Variants in PYGL observed in about 807,000 individuals in gnomAD.
PYGL encodes the protein glycogen phosphorylase L, also known as glycogen phosphorylase, liver form.
A neutral mutation model predicts 100.1 loss-of-function variants in PYGL; 90 were observed. The observed-to-expected ratio is 0.90, with a 90% confidence interval of 0.76 to 1.07. The LOEUF is 1.07. Ranked by LOEUF, PYGL falls within the 50% of genes least tolerant of loss-of-function variation. The probability of loss-of-function intolerance (pLI) is 0.00; values close to 1 mark genes in which losing one functional copy is unlikely to be tolerated. For missense variants in PYGL, 1,016 were observed against 1,057.6 expected (o/e 0.96, Z 0.55); for synonymous variants, 373 against 393.0 (o/e 0.95, Z 0.60).
intron 12 of PYGL, 60 bp downstream of exon 12, chr14:50,914,641 T>C: frequency 7.3e-7 from 1 of 1,376,226 alleles, no homozygotes; most frequent in Non-Finnish European, 1.0e-6. Context: ...GTTACAAGTA[T>C]AGTCATATGC....
chr14:50,924,098 T>G lies in PYGL; in HGVS notation c.531A>C (p.Val177=), dbSNP rs763878843. Reference sequence around the variant, plus strand: ...ATCTGAGCCAATCATCTGCTTCTTCTACCTGCAAAAGGATACAGTATTGCT... The same window carrying G: ...ATCTGAGCCAATCATCTGCTTCTTCGACCTGCAAAAGGATACAGTATTGCT... ...FNQKIRDGWQ[V]EEADDWLRYG... The change falls in exon 5 of 20, where the codon GTA becomes GTC. Residue 177 remains valine (V), a splice_region_variant and synonymous_variant. Coordinates refer to ENST00000216392, the MANE Select transcript of PYGL (RefSeq NM_002863.5). 1 of 1,613,512 alleles carries G rather than the reference T, an allele frequency of 6.2e-7. No homozygotes were observed. Among genetic ancestry groups the G allele is most frequent in the African/African-American group, 1.3e-5 (1 of 74,892 alleles).
At chr14:50,935,021 C>T (rs975883402) in intron 3 of PYGL, 86 bp downstream of exon 3, 12 of 1,294,100 alleles carry the variant, frequency 9.3e-6, no homozygotes, top group South Asian at 2.4e-5. Flanking sequence ...AGGAAGCCTG[C>T]CTGGTTCTTG....
chr14:50,934,119 G>T (rs74051868), intron 3 of PYGL, among the ~76,000 whole-genome samples: 3,095 of 152,254 alleles, frequency 0.02, 25 homozygotes, highest in African/African-American at 0.031. Flanking sequence ...AACTAATGGA[G>T]CTGGTATTGT....
chr14:50,921,257 G>T (rs11157783), intron 5 of PYGL, 190 bp from the exon 6 acceptor site: 5 of 591,044 alleles, frequency 8.5e-6, no homozygotes, highest in Admixed American at 5.7e-5. Context: ...GTTCCTCCCC[G>T]ACCTGGTACA....
intron 17 of PYGL, 123 bp from the exon 18 acceptor site, chr14:50,909,078 C>A (rs2050364173): frequency 8.9e-7 from 1 of 1,129,300 alleles, no homozygotes; most frequent in Admixed American, 2.0e-5. Context: ...CATTCAAAGA[C>A]TTCATTATAG....
At chr14:50,930,138 T>C (rs2050589727) in intron 4 of PYGL, among the ~76,000 whole-genome samples, 1 of 152,212 alleles carries the variant, frequency 6.6e-6, no homozygotes, top group Non-Finnish European at 1.5e-5. Context: ...ATAATATGAA[T>C]GGCTTCACTA....
intron 4 of PYGL, among the ~76,000 whole-genome samples, chr14:50,926,197 A>T (rs987274767): frequency 6.6e-5 from 10 of 152,170 alleles, no homozygotes; most frequent in African/African-American, 2.4e-4. Context: ...AAAAAAATTT[A>T]AAAATTAGCC....
chr14:50,912,994 G>C, intron 13 of PYGL, 35 bp downstream of exon 13: 1 of 1,564,752 alleles, frequency 6.4e-7, no homozygotes, highest in East Asian at 2.2e-5. Context: ...CTCACAGTGA[G>C]TGCCCAGGAG....
At chr14:50,914,181 C>A (rs917199272) in intron 12 of PYGL, among the ~76,000 whole-genome samples, 8 of 152,054 alleles carry the variant, frequency 5.3e-5, no homozygotes, top group African/African-American at 1.9e-4. Context: ...TTTGCAGGAC[C>A]TTTTGTTCAA....
In PYGL at chr14:50,920,462, T is replaced by C. The variant is rs187297446; in HGVS notation, c.855+79A>G. On this transcript the variant is annotated intron_variant, in intron 7 of 19. Coordinates refer to ENST00000216392, the MANE Select transcript of PYGL (RefSeq NM_002863.5). ...CATGGAAAAACATCAATATTAAATG[T>C]GTTTTATAGGTTACTGAACAGGCTC... The C allele has an allele frequency of 3.1e-6, 4 of 1,307,970 alleles. No homozygotes were observed. The African/African-American group carries it at 4.4e-5, about 14-fold the overall frequency. The allele number at this position is 1,307,970 out of a possible 1,614,324, so 81.0% of individuals were successfully genotyped here.
In PYGL at chr14:50,937,836, C is replaced by A; in HGVS notation, c.245G>T (p.Arg82Met). The A allele has an allele frequency of 6.2e-7, 1 of 1,605,854 alleles. No individual in the cohort carries two copies. Among genetic ancestry groups the A allele is most frequent in the Non-Finnish European group, 8.5e-7 (1 of 1,172,564 alleles). Reference sequence around the variant, plus strand: ...AAATTCCAGAGAGAGGTAATATACCCTCTGAAATAAAGAAAAGAGAGATAA... The same window carrying A: ...AAATTCCAGAGAGAGGTAATATACCATCTGAAATAAAGAAAAGAGAGATAA... ...QQHYYDKCPKRVYYLSLEFYM... is the reference protein window; with the variant it reads ...QQHYYDKCPKMVYYLSLEFYM... Residue 82 changes from arginine (R) to methionine (M), a missense_variant and splice_region_variant, in exon 2 of 20, where the codon AGG becomes ATG. Transcript: ENST00000216392.
chr14:50,909,308 C>A (rs2050367810), intron 17 of PYGL, among the ~76,000 whole-genome samples: 1 of 152,084 alleles, frequency 6.6e-6, no homozygotes, highest in African/African-American at 2.4e-5. Context: ...TTTTTGGATC[C>A]ACAGATTCTC....
At chr14:50,911,510 T>G (rs1220793965) in intron 16 of PYGL, among the ~76,000 whole-genome samples, 1 of 152,100 alleles carries the variant, frequency 6.6e-6, no homozygotes, top group Non-Finnish European at 1.5e-5. Context: ...TGGAAGAAAA[T>G]GTACTTGCAA....
At position 50,913,222 on chromosome 14, in the gene PYGL, C is replaced by T. The variant is rs2050415963; in HGVS notation, c.1519-92G>A. 4.0e-6 allele frequency: 4 copies of T among 1,005,414 alleles called. 1 individual carries two copies. Among genetic ancestry groups the T allele is most frequent in the Non-Finnish European group, 6.2e-6 (4 of 648,048 alleles). 62.3% of individuals were successfully genotyped at this position (1,005,414 alleles called of 1,614,324 possible). A position where few individuals can be genotyped will look rare whatever the true frequency, so the allele number is the denominator to read the frequency against. ...TGTCAGTATTTCTCTCTGTCACCTACCACAGTGTAGTTCACGTATCACACA... is the reference window on the plus strand; with the variant it reads ...TGTCAGTATTTCTCTCTGTCACCTATCACAGTGTAGTTCACGTATCACACA... On this transcript the variant is annotated intron_variant, in intron 12 of 19. Coordinates refer to ENST00000216392, the MANE Select transcript of PYGL (RefSeq NM_002863.5).
At chr14:50,921,302 T>A in intron 5 of PYGL, 1 of 536,164 alleles carries the variant, frequency 1.9e-6, no homozygotes, top group South Asian at 2.2e-5. Context: ...CTGATGGTCC[T>A]TTACAGTATT....
intron 17 of PYGL, 131 bp from the exon 18 acceptor site, chr14:50,909,086 T>C (rs1014929853): frequency 9.7e-6 from 10 of 1,025,950 alleles, no homozygotes; most frequent in Middle Eastern, 2.3e-4. Context: ...GACTTCATTA[T>C]AGATTTCACC....
At chr14:50,917,632 C>A (rs1004004487) in intron 7 of PYGL, among the ~76,000 whole-genome samples, 6 of 152,216 alleles carry the variant, frequency 3.9e-5, no homozygotes, top group Admixed American at 3.9e-4. Context: ...TGGCAGGCAA[C>A]GTATCAGGAA....
At position 50,924,064 on chromosome 14, in the gene PYGL, G is replaced by A. The variant is rs2050525766; in HGVS notation, c.565C>T (p.Pro189Ser). The A allele has an allele frequency of 6.2e-7, 1 of 1,613,554 alleles. No homozygotes were observed. The highest frequency in any genetic ancestry group is 8.5e-7 in the Non-Finnish European group (1 of 1,179,738). ...AATTCTGGGCGGGACTTCTCCCAAG[G>A]GTTTCCATATCTGAGCCAATCATCT... is the stretch of plus-strand genomic sequence containing the variant. ...EADDWLRYGN[P>S]WEKSRPEFML... The change falls in exon 5 of 20, where the codon CCT becomes TCT. Residue 189 changes from proline to serine, a missense_variant. Coordinates refer to ENST00000216392, the MANE Select transcript of PYGL (RefSeq NM_002863.5).
At chr14:50,927,106 T>C (rs2050555892) in intron 4 of PYGL, among the ~76,000 whole-genome samples, 1 of 152,178 alleles carries the variant, frequency 6.6e-6, no homozygotes, top group Admixed American at 6.5e-5. Flanking sequence ...GATGATATAC[T>C]GTCCTGCCCC....
Sources: gnomAD v4.1 joint callset for allele counts (sites outside exome capture counted in the v4.1 genomes callset) on GRCh38, gnomAD v4.1.1 for gene constraint, MANE v1.5 for transcripts, NCBI Gene and HGNC (gene_info 2026-07-23, HGNC 2026-07-21) for gene names.